Variants in NMNAT3 observed in about 807,000 individuals in gnomAD.
The protein encoded by NMNAT3 is nicotinamide nucleotide adenylyltransferase 3, also known as nicotinamide/nicotinic acid mononucleotide adenylyltransferase 3.
A neutral mutation model predicts 24.8 loss-of-function variants in NMNAT3; 21 were observed. The observed-to-expected ratio is 0.85, with a 90% CI of 0.60 to 1.22. NMNAT3 has a LOEUF of 1.22. NMNAT3 is among the 50% of genes most tolerant of loss of function. NMNAT3 has a pLI of 0.00. For missense variants in NMNAT3, 387 were observed against 436.6 expected (o/e 0.89, Z 1.01); for synonymous variants, 136 against 155.2 (o/e 0.88, Z 0.92).
chr3:139,610,171 A>C (rs904253028), intron 3 of NMNAT3, among the ~76,000 whole-genome samples: 2 of 152,182 alleles, frequency 1.3e-5, no homozygotes, highest in African/African-American at 4.8e-5. Flanking sequence ...CAGGGGTCTC[A>C]TGAAGTGTCT....
chr3:139,652,840 C>G (rs1157100025), intron 1 of NMNAT3, among the ~76,000 whole-genome samples: 2 of 152,172 alleles, frequency 1.3e-5, no homozygotes, highest in African/African-American at 4.8e-5. Flanking sequence ...GAACCAAATG[C>G]AGCTCTGCCT....
chr3:139,568,282 C>CA (rs1170756327), intron 6 of NMNAT3: 1 of 152,126 alleles, frequency 6.6e-6, no homozygotes, highest in African/African-American at 2.4e-5. Context: ...TTGATCCTTT[C>CA]AAAAAACCAG....
intron 1 of NMNAT3, among the ~76,000 whole-genome samples, chr3:139,647,299 G>A (rs2056903137): frequency 6.6e-6 from 1 of 152,144 alleles, no homozygotes; most frequent in South Asian, 2.1e-4. Flanking sequence ...AATGTACAGA[G>A]CAAAATAACA....
At chr3:139,605,957 A>G (rs2054924042) in intron 3 of NMNAT3, among the ~76,000 whole-genome samples, 1 of 151,910 alleles carries the variant, frequency 6.6e-6, no homozygotes, top group Non-Finnish European at 1.5e-5. Flanking sequence ...ATATCTAGAT[A>G]ATGACTTCAA....
At chr3:139,566,603 C>G (rs1476162862) in intron 6 of NMNAT3, 2 of 152,042 alleles carry the variant, frequency 1.3e-5, no homozygotes, top group Non-Finnish European at 1.5e-5. Flanking sequence ...TTCCCAGCAC[C>G]ATTTATTAAA....
intron 1 of NMNAT3, among the ~76,000 whole-genome samples, chr3:139,644,435 T>G (rs1320781382): frequency 3.3e-5 from 5 of 152,146 alleles, no homozygotes; most frequent in Admixed American, 3.3e-4. Context: ...CTTTAAAATA[T>G]GAAAGGACCC....
chr3:139,625,029 C>T (rs958439546), intron 3 of NMNAT3, among the ~76,000 whole-genome samples: 1 of 152,148 alleles, frequency 6.6e-6, no homozygotes, highest in Non-Finnish European at 1.5e-5. Flanking sequence ...AGTTATATTA[C>T]TAAGTGCAAA....
At chr3:139,573,443 G>A (rs1487698490) in intron 6 of NMNAT3, among the ~76,000 whole-genome samples, 155 bp downstream of exon 6, 1 of 152,172 alleles carries the variant, frequency 6.6e-6, no homozygotes, top group Non-Finnish European at 1.5e-5. Flanking sequence ...TTCAACCTCA[G>A]AAGTGTCATC....
intron 3 of NMNAT3, among the ~76,000 whole-genome samples, chr3:139,607,920 C>T (rs926034589): frequency 3.3e-5 from 5 of 152,166 alleles, no homozygotes; most frequent in Admixed American, 6.5e-5. Flanking sequence ...GGCCTAACTC[C>T]GTCTTGACAA....
At chr3:139,657,222 G>A (rs377587699) in intron 1 of NMNAT3, among the ~76,000 whole-genome samples, 1 of 152,162 alleles carries the variant, frequency 6.6e-6, no homozygotes, top group Non-Finnish European at 1.5e-5. Flanking sequence ...GAGCCCATTC[G>A]GTCCCTCCAT....
chr3:139,630,501 T>G (rs1000327149), intron 2 of NMNAT3, among the ~76,000 whole-genome samples: 2 of 152,222 alleles, frequency 1.3e-5, no homozygotes. Context: ...AAAAGCCTGC[T>G]TATGTGTCTT....
intron 1 of NMNAT3, among the ~76,000 whole-genome samples, chr3:139,648,469 G>T (rs1006994337): frequency 9.9e-5 from 15 of 152,142 alleles, no homozygotes; most frequent in Middle Eastern, 3.2e-3. Context: ...CTGAAGGCAT[G>T]AGAAAAAAAT....
chr3:139,641,229 G>T (rs1195561567), intron 1 of NMNAT3, among the ~76,000 whole-genome samples: 1 of 152,140 alleles, frequency 6.6e-6, no homozygotes, highest in East Asian at 1.9e-4. Context: ...CCCATACCAG[G>T]CTCCCTCCCA....
chr3:139,668,094 T>A (rs2057643666), intron 1 of NMNAT3, among the ~76,000 whole-genome samples: 1 of 151,980 alleles, frequency 6.6e-6, no homozygotes, highest in Non-Finnish European at 1.5e-5. Context: ...AAGGGAAGAA[T>A]CTTGGGGATG....
intron 1 of NMNAT3, among the ~76,000 whole-genome samples, chr3:139,661,061 G>C (rs887859888): frequency 2.0e-5 from 3 of 152,114 alleles, no homozygotes; most frequent in Admixed American, 1.3e-4. Flanking sequence ...AACCCACCCA[G>C]CTGTTTGTGG....
At chr3:139,614,137 A>C (rs1036391830) in intron 3 of NMNAT3, among the ~76,000 whole-genome samples, 2 of 152,112 alleles carry the variant, frequency 1.3e-5, no homozygotes, top group Middle Eastern at 3.2e-3. Context: ...AAAGTATAAT[A>C]ATAATAATAA....
chr3:139,615,590 G>A (rs1380996459), intron 3 of NMNAT3, among the ~76,000 whole-genome samples: 1 of 151,750 alleles, frequency 6.6e-6, no homozygotes, highest in Non-Finnish European at 1.5e-5. Flanking sequence ...CCATATCACA[G>A]GACATTTGTA....
chr3:139,601,764 C>G (rs1403807444), intron 3 of NMNAT3, among the ~76,000 whole-genome samples: 1 of 152,110 alleles, frequency 6.6e-6, no homozygotes, highest in African/African-American at 2.4e-5. Flanking sequence ...CACTGCTGGG[C>G]AGAAACACAT....
chr3:139,583,040 G>A lies in NMNAT3; in HGVS notation c.278C>T (p.Ala93Val), dbSNP rs1333410463. The A allele has an allele frequency of 1.3e-5, 21 of 1,607,386 alleles. No individual in the cohort carries two copies. Among genetic ancestry groups the A allele is most frequent in the Admixed American group, 8.4e-5 (5 of 59,174 alleles). ...CTTGCTGTCATTCAAATCACAGAAC[G>A]CTTGTTCTTCAGTTCTTTTGCGTTT... Residue 93 changes from alanine to valine, a missense_variant, in exon 4 of 7, where the codon GCG (alanine) becomes GTG (valine). Physicochemically the swap from Ala to Val is moderately conservative, Grantham distance 64 (BLOSUM62 0). This residue lies in a region of NMNAT3 where 323 missense variants were observed against 345.2 expected (regional missense o/e 0.94). Transcript: ENST00000643695.
Sources: gnomAD v4.1 joint callset for allele counts (sites outside exome capture counted in the v4.1 genomes callset) on GRCh38, gnomAD v4.1.1 for gene constraint, gnomAD v4.1.1 regional missense constraint, MANE v1.5 for transcripts, NCBI Gene and HGNC (gene_info 2026-07-23, HGNC 2026-07-21) for gene names.